Variants in CDH4 observed in about 807,000 individuals in gnomAD.
CDH4 encodes cadherin-4.
In CDH4, 33 loss-of-function variants were observed where a neutral mutation model predicts 86.0. That is an observed-to-expected ratio of 0.38 (90% CI 0.29 to 0.51). The LOEUF is 0.51. Ranked by LOEUF, CDH4 falls within the 20% of genes least tolerant of loss-of-function variation. The probability of loss-of-function intolerance (pLI) is 0.86; values close to 1 mark genes in which losing one functional copy is unlikely to be tolerated. For missense variants in CDH4, 1,114 were observed against 1,307.4 expected (o/e 0.85, Z 2.28); for synonymous variants, 555 against 549.4 (o/e 1.01, Z -0.14).
At chr20:61,570,562 C>G (rs1568691372) in intron 2 of CDH4, 2 of 662,728 alleles carry the variant, frequency 3.0e-6, no homozygotes, top group East Asian at 5.5e-5. Context: ...CAAGCGTTGA[C>G]TTTTGTGGCT....
chr20:61,590,858 T>C (rs1327996135), intron 2 of CDH4, among the ~76,000 whole-genome samples: 1 of 141,338 alleles, frequency 7.1e-6, no homozygotes, highest in African/African-American at 2.7e-5. Context: ...TGCCAAAGCC[T>C]TGTCTTCCCT....
chr20:61,929,702 T>G lies in CDH4; in HGVS notation c.2099T>G (p.Leu700Arg). 6.2e-7 allele frequency: 1 copy of G among 1,614,180 alleles called. No homozygotes were observed. Residue 700 changes from leucine (L) to arginine (R), a missense_variant, in exon 13 of 16, where the codon CTG becomes CGG. Physicochemically the swap from Leu to Arg is moderately radical, Grantham distance 102. Transcript: ENST00000614565. ...GTCACAGACTCTGGAAACCCTCCCC[T>G]GTCCAACACGTCCATCATCAAAGTC... is the stretch of plus-strand genomic sequence containing the variant. ...IIVTDSGNPP[L>R]SNTSIIKVKV... is the part of the protein sequence containing the mutation.
chr20:61,913,574 C>T (rs2122937231), intron 9 of CDH4, among the ~76,000 whole-genome samples: 1 of 152,336 alleles, frequency 6.6e-6, no homozygotes, highest in Non-Finnish European at 1.5e-5. Flanking sequence ...ATAGCACAGA[C>T]TAGACTGTGG....
At chr20:61,401,132 C>G (rs6089262) in intron 2 of CDH4, among the ~76,000 whole-genome samples, 76,485 of 151,992 alleles carry the variant, frequency 0.5, 20,289 homozygotes, top group African/African-American at 0.67. Flanking sequence ...CTGTCCTTGG[C>G]AGACTCTGAA....
At chr20:61,483,671 GC>G (rs556546550) in intron 2 of CDH4, among the ~76,000 whole-genome samples, 9 of 131,738 alleles carry the variant, frequency 6.8e-5, no homozygotes, top group South Asian at 2.7e-4. Flanking sequence ...ACCAGCACCC[GC>G]CCCCCCCGCC....
chr20:61,773,712 T>C (rs2088806983), intron 4 of CDH4, among the ~76,000 whole-genome samples: 3 of 152,216 alleles, frequency 2.0e-5, no homozygotes, highest in Admixed American at 2.0e-4. Flanking sequence ...ACGAGCAATT[T>C]CTTCTTCCCT....
intron 2 of CDH4, among the ~76,000 whole-genome samples, chr20:61,373,291 T>C (rs530335243): frequency 5.3e-5 from 8 of 152,314 alleles, no homozygotes; most frequent in South Asian, 4.1e-4. Context: ...GCTGAGGGCA[T>C]TGGGGCCCAG....
intron 9 of CDH4, among the ~76,000 whole-genome samples, chr20:61,921,655 G>C (rs1050682141): frequency 1.2e-4 from 18 of 152,060 alleles, no homozygotes; most frequent in Admixed American, 1.2e-3. Flanking sequence ...GGGAGGCTGA[G>C]GCAGGAGAAT....
intron 2 of CDH4, among the ~76,000 whole-genome samples, chr20:61,693,196 G>A (rs149072925): frequency 3.0e-4 from 45 of 152,284 alleles, no homozygotes; most frequent in South Asian, 4.2e-4. Context: ...AGGCGGGTAC[G>A]AGCAGTCACT....
At chr20:61,493,795 AC>A (rs1024770139) in intron 2 of CDH4, among the ~76,000 whole-genome samples, 1 of 151,990 alleles carries the variant, frequency 6.6e-6, no homozygotes, top group African/African-American at 2.4e-5. Context: ...CTCTAGGGTG[AC>A]CCCCTCCAGA....
chr20:61,797,720 A>G (rs982094839), intron 4 of CDH4, among the ~76,000 whole-genome samples: 1 of 152,164 alleles, frequency 6.6e-6, no homozygotes, highest in African/African-American at 2.4e-5. Flanking sequence ...ACAGGAATTC[A>G]AGGCTGCAGT....
chr20:61,273,503 G>A (rs139203951), intron 2 of CDH4, among the ~76,000 whole-genome samples: 1 of 1,774 alleles, frequency 5.6e-4, no homozygotes. Context: ...ACCACGTGCA[G>A]TTTGGGGGAG....
At chr20:61,697,203 C>T (rs765016379) in intron 2 of CDH4, among the ~76,000 whole-genome samples, 3 of 152,014 alleles carry the variant, frequency 2.0e-5, no homozygotes, top group African/African-American at 2.4e-5. Flanking sequence ...AGAATGAGGA[C>T]GAAAGATGGA....
At chr20:61,769,871 A>G (rs1033297243) in intron 3 of CDH4, among the ~76,000 whole-genome samples, 1 of 152,232 alleles carries the variant, frequency 6.6e-6, no homozygotes, top group African/African-American at 2.4e-5. Flanking sequence ...GAGCATATCA[A>G]CATAAATTGT....
At chr20:61,832,545 T>A (rs1981670776) in intron 4 of CDH4, among the ~76,000 whole-genome samples, 1 of 152,022 alleles carries the variant, frequency 6.6e-6, no homozygotes, top group African/African-American at 2.4e-5. Flanking sequence ...AAACTGACAA[T>A]CAGGGCAGAA....
At chr20:61,889,011 C>T (rs946241849) in intron 7 of CDH4, among the ~76,000 whole-genome samples, 4 of 152,130 alleles carry the variant, frequency 2.6e-5, no homozygotes, top group African/African-American at 9.7e-5. Flanking sequence ...TTGGCTTTCT[C>T]CCCTCCCTCA....
chr20:61,928,750 A>G (rs1490225589), intron 12 of CDH4, among the ~76,000 whole-genome samples: 1 of 152,216 alleles, frequency 6.6e-6, no homozygotes, highest in Non-Finnish European at 1.5e-5. Context: ...GTTTCCTTAG[A>G]ATACTTCCCT....
intron 4 of CDH4, among the ~76,000 whole-genome samples, chr20:61,813,232 C>G (rs1980529170): frequency 6.6e-6 from 1 of 152,252 alleles, no homozygotes; most frequent in South Asian, 2.1e-4. Context: ...CTCCCTCCAG[C>G]TCCTTGGAGG....
intron 2 of CDH4, among the ~76,000 whole-genome samples, chr20:61,523,252 G>A (rs1387692370): frequency 3.3e-5 from 5 of 152,240 alleles, no homozygotes; most frequent in Non-Finnish European, 5.9e-5. Context: ...CTCAGGCCAC[G>A]GCCTACTGAT....
Sources: gnomAD v4.1 joint callset for allele counts (sites outside exome capture counted in the v4.1 genomes callset) on GRCh38, gnomAD v4.1.1 for gene constraint, MANE v1.5 for transcripts, NCBI Gene and HGNC (gene_info 2026-07-23, HGNC 2026-07-21) for gene names.